Variants in LONP1 observed in about 807,000 individuals in gnomAD.
LONP1 encodes the protein lon peptidase 1, mitochondrial.
A neutral mutation model predicts 98.5 loss-of-function variants in LONP1; 31 were observed. The ratio of observed to expected loss-of-function variants is 0.31; its 90% CI spans 0.24 to 0.42. The LOEUF (loss-of-function observed/expected upper bound fraction) is 0.42, where lower values mean the gene tolerates loss of function less well. LONP1 is among the 20% of genes least tolerant of loss of function. The probability of loss-of-function intolerance (pLI) is 1.00; values close to 1 mark genes in which losing one functional copy is unlikely to be tolerated. For synonymous variants in LONP1, 781 were observed against 594.7 expected (o/e 1.31, Z -4.56); for missense variants, 1,336 against 1,350.6 (o/e 0.99, Z 0.17).
At chr19:5,705,263 C>A (rs986382849) in intron 8 of LONP1, among the ~76,000 whole-genome samples, 1 of 151,940 alleles carries the variant, frequency 6.6e-6, no homozygotes, top group Non-Finnish European at 1.5e-5. Context: ...TCGAGACCAG[C>A]CTGAACAACA....
chr19:5,692,079 T>G lies in LONP1; in HGVS notation c.2833A>C (p.Ile945Leu), dbSNP rs1354004391. 4.3e-6 allele frequency: 7 copies of G among 1,610,932 alleles called. No individual in the cohort carries two copies. The East Asian group carries it at 1.6e-4, about 36-fold the overall frequency. Reference sequence around the variant, plus strand: ...TCTGCCTGCTCGTCCGGGAAGGCGATGTCGAAGATCTCCCGGTAGTGTTCC... The same window carrying G: ...TCTGCCTGCTCGTCCGGGAAGGCGAGGTCGAAGATCTCCCGGTAGTGTTCC... ...FVEHYREIFD[I>L]AFPDEQAEAL... Residue 945 changes from isoleucine to leucine, a missense_variant, in exon 18 of 18, where the codon ATC (isoleucine) becomes CTC (leucine). Ile to Leu is a conservative substitution (Grantham distance 5). This residue lies in a region of LONP1 where 555 missense variants were observed against 542.6 expected (regional missense o/e 1.02). Transcript: ENST00000360614.
In LONP1 at chr19:5,699,136, C is replaced by T; in HGVS notation, c.1576G>A (p.Gly526Ser). ...CGAGCAATGCTGGTCTTACCCACGC[C>T]AGGGGGGCCATAGAAGCAGAGGATC... ...GKILCFYGPP[G>S]VGKTSIARSI... The change falls in exon 10 of 18, where the codon GGC becomes AGC. Residue 526 changes from glycine to serine, a missense_variant. Physicochemically the swap from Gly to Ser is moderately conservative, Grantham distance 56. Around this residue, in one of 5 missense-constraint regions of LONP1, gnomAD observed 219 missense variants for 241.0 expected, o/e 0.91. Coordinates refer to ENST00000360614, the MANE Select transcript of LONP1 (RefSeq NM_004793.4). The T allele has an allele frequency of 6.4e-7, 1 of 1,564,692 alleles. No homozygotes were observed.
At chr19:5,693,241 T>C in intron 17 of LONP1, 57 bp downstream of exon 17, 3 of 1,555,094 alleles carry the variant, frequency 1.9e-6, no homozygotes, top group Non-Finnish European at 2.6e-6. Flanking sequence ...GGACTGGGCC[T>C]GTCCCGTGGT....
chr19:5,713,401 G>T, intron 2 of LONP1, 148 bp from the exon 3 acceptor site: 1 of 990,590 alleles, frequency 1.0e-6, no homozygotes, highest in South Asian at 1.5e-5. Context: ...TCCCGCAGGA[G>T]CTCCAGAGCC....
In LONP1 at chr19:5,692,204, T is replaced by G. The variant is rs374630137; in HGVS notation, c.2708A>C (p.Lys903Thr). 4.3e-6 allele frequency: 7 copies of G among 1,611,024 alleles called. No homozygotes were observed. The highest frequency in any genetic ancestry group is 5.9e-6 in the Non-Finnish European group (7 of 1,178,062). Residue 903 changes from lysine to threonine, a missense_variant, in exon 18 of 18, where the codon AAG becomes ACG. By Grantham distance (78) the Lys-to-Thr change is moderately conservative. Transcript: ENST00000360614. ...GGIKEKTIAA[K>T]RAGVTCIVLP... Reference sequence around the variant, plus strand: ...GACGATGCACGTCACCCCTGCGCGCTTGGCCTGGGGGCAGAGTCAGGGTCA... The same window carrying G: ...GACGATGCACGTCACCCCTGCGCGCGTGGCCTGGGGGCAGAGTCAGGGTCA...
intron 1 of LONP1, 93 bp from the exon 2 acceptor site, chr19:5,714,364 G>A (rs561977856): frequency 1.4e-5 from 12 of 865,026 alleles, no homozygotes; most frequent in South Asian, 1.0e-4. Context: ...ATGTAATGGC[G>A]TGATCTCAGC....
chr19:5,707,096 A>G lies in LONP1; in HGVS notation c.1110T>C (p.Phe370=). ...GGCGCTGCTGCAGCTTGCTCAGTTC[A>G]AATTCCTTCTTCAGCAGGGAGAGGG... ...YKALSLLKKE[F]ELSKLQQRLG... is the part of the protein sequence containing the mutation. The change falls in exon 7 of 18, where the codon TTT becomes TTC. Residue 370 remains phenylalanine (F), a synonymous_variant. Transcript: ENST00000360614. 6.2e-7 allele frequency: 1 copy of G among 1,613,026 alleles called. No homozygotes were observed. Among genetic ancestry groups the G allele is most frequent in the Non-Finnish European group, 8.5e-7 (1 of 1,179,936 alleles).
intron 10 of LONP1, among the ~76,000 whole-genome samples, chr19:5,697,581 A>G (rs2054961127): frequency 1.9e-5 from 2 of 103,014 alleles, no homozygotes; most frequent in South Asian, 8.4e-4. Flanking sequence ...GAGGGGGAGG[A>G]AGAAGAGAGG....
chr19:5,697,585 AGAGAGG>A (rs147332982), intron 10 of LONP1, among the ~76,000 whole-genome samples: 1,774 of 80,698 alleles, frequency 0.022, 61 homozygotes, highest in African/African-American at 0.079. Flanking sequence ...GGGAGGAAGA[AGAGAGG>A]GAGAGAGAGG....
chr19:5,692,147 T>C lies in LONP1; in HGVS notation c.2765A>G (p.Asp922Gly). The C allele has an allele frequency of 1.9e-6, 3 of 1,614,060 alleles. No individual in the cohort carries two copies. In the East Asian group the frequency reaches 6.7e-5, roughly 36 times the overall value. ...GCCCTCGGTGATGAAGGCTGCCAGG[T>C]CGTAGAAGTCCTTCTTGTTCTCGGC... is the stretch of plus-strand genomic sequence containing the variant. ...LPAENKKDFY[D>G]LAAFITEGLE... is the part of the protein sequence containing the mutation. The change falls in exon 18 of 18, where the codon GAC (aspartate) becomes GGC (glycine). Residue 922 changes from aspartate to glycine, a missense_variant. Asp to Gly is a moderately conservative substitution (Grantham distance 94). This residue lies in a region of LONP1 where 555 missense variants were observed against 542.6 expected (regional missense o/e 1.02). Coordinates refer to ENST00000360614, the MANE Select transcript of LONP1 (RefSeq NM_004793.4).
Position 5,694,738 on chromosome 19 carries a change from AGGAGGGCG to A in LONP1, c.2154+15_2154+22del, listed in dbSNP as rs1568311365. 7 of 1,580,356 alleles carry A rather than the reference AGGAGGGCG, an allele frequency of 4.4e-6. No homozygotes were observed. The highest frequency in any genetic ancestry group is 6.1e-6 in the Non-Finnish European group (7 of 1,154,728). On this transcript the variant is annotated intron_variant, in intron 14 of 17. Coordinates refer to ENST00000360614, the MANE Select transcript of LONP1 (RefSeq NM_004793.4). ...GATGGTGAGGTGGGCGGCAGGTGCC[AGGAGGGCG>A]GGCTGGCCGCTCACCTTCTCCACTT...
intron 14 of LONP1, 94 bp downstream of exon 14, chr19:5,694,667 A>ATGGGCGCG (rs2054893399): frequency 2.1e-6 from 3 of 1,416,448 alleles, no homozygotes; most frequent in Non-Finnish European, 2.9e-6. Context: ...TGATGGGCGC[A>ATGGGCGCG]GGAAAGTGGG....
At chr19:5,694,346 A>T (rs1406649884) in intron 15 of LONP1, 41 bp downstream of exon 15, 1 of 1,601,766 alleles carries the variant, frequency 6.2e-7, no homozygotes, top group African/African-American at 1.3e-5. Context: ...TCGGGTAGAA[A>T]TGGGAATGGC....
intron 13 of LONP1, 41 bp downstream of exon 13, chr19:5,696,013 G>A (rs760626234): frequency 1.9e-6 from 3 of 1,567,130 alleles, no homozygotes; most frequent in Non-Finnish European, 1.7e-6. Context: ...GGCGCCCCCT[G>A]CTCTGGGAAG....
chr19:5,715,665 A>T (rs1410456761), intron 1 of LONP1, among the ~76,000 whole-genome samples: 1 of 140,510 alleles, frequency 7.1e-6, no homozygotes, highest in Non-Finnish European at 1.6e-5. Flanking sequence ...AAAAAAAAAA[A>T]AAAAAAAAAA....
At chr19:5,696,807 A>G (rs761635410) in intron 10 of LONP1, 50 bp from the exon 11 acceptor site, 2 of 1,303,950 alleles carry the variant, frequency 1.5e-6, no homozygotes, top group Non-Finnish European at 2.2e-6. Context: ...TGGCTCGGCC[A>G]CAACGACACC....
At chr19:5,699,417 G>C (rs1035786633) in intron 9 of LONP1, among the ~76,000 whole-genome samples, 1 of 152,118 alleles carries the variant, frequency 6.6e-6, no homozygotes, top group African/African-American at 2.4e-5. Context: ...AACACCAAAG[G>C]ACAACTAGGT....
At chr19:5,696,822 A>G (rs1599450249) in intron 10 of LONP1, 65 bp from the exon 11 acceptor site, 2 of 1,120,380 alleles carry the variant, frequency 1.8e-6, no homozygotes, top group East Asian at 2.4e-5. Flanking sequence ...GACACCATGC[A>G]CCCTCCAGGG....
intron 10 of LONP1, among the ~76,000 whole-genome samples, chr19:5,697,560 G>A (rs1277414209): frequency 7.4e-6 from 1 of 135,762 alleles, no homozygotes; most frequent in Non-Finnish European, 1.6e-5. Context: ...GGAGAGGGAA[G>A]GGGGTAGAGG....
Sources: gnomAD v4.1 joint callset for allele counts (sites outside exome capture counted in the v4.1 genomes callset) on GRCh38, gnomAD v4.1.1 for gene constraint, gnomAD v4.1.1 regional missense constraint, MANE v1.5 for transcripts, NCBI Gene and HGNC (gene_info 2026-07-23, HGNC 2026-07-21) for gene names.